Variants in GUCA1C observed in about 807,000 individuals in gnomAD.
The protein encoded by GUCA1C is guanylyl cyclase-activating protein 3.
A neutral mutation model predicts 16.2 loss-of-function variants in GUCA1C; 15 were observed. The ratio of observed to expected loss-of-function variants is 0.93; its 90% CI spans 0.62 to 1.43. GUCA1C has a LOEUF of 1.43. GUCA1C is among the 40% of genes most tolerant of loss of function. GUCA1C has a pLI of 0.00. For missense variants in GUCA1C, 275 were observed against 244.8 expected (o/e 1.12, Z -0.82); for synonymous variants, 78 against 85.4 (o/e 0.91, Z 0.48).
chr3:108,941,152 T>G (rs1946782373), intron 1 of GUCA1C, among the ~76,000 whole-genome samples: 1 of 152,160 alleles, frequency 6.6e-6, no homozygotes, highest in Non-Finnish European at 1.5e-5. Context: ...CATCATCACA[T>G]CCACTGTAAT....
At chr3:108,911,160 T>C (rs2107272086) in intron 3 of GUCA1C, among the ~76,000 whole-genome samples, 1 of 152,296 alleles carries the variant, frequency 6.6e-6, no homozygotes, top group South Asian at 2.1e-4. Context: ...AGTAATAGAA[T>C]AGCTACCCAG....
chr3:108,916,723 G>T (rs543592255), intron 2 of GUCA1C, among the ~76,000 whole-genome samples: 1 of 152,074 alleles, frequency 6.6e-6, no homozygotes, highest in African/African-American at 2.4e-5. Context: ...ACCTTAGAAG[G>T]GCCCTGAATT....
upstream of GUCA1C, chr3:108,953,957 G>A (rs1397228045): frequency 1.7e-6 from 1 of 575,110 alleles, no homozygotes; most frequent in Non-Finnish European, 3.1e-6. Context: ...TAAAACCAAG[G>A]TCACTTGGCA....
In GUCA1C at chr3:108,916,228, T is replaced by C. The variant is rs199536033; in HGVS notation, c.355-14A>G. 6.2e-6 allele frequency: 10 copies of C among 1,602,584 alleles called. No individual in the cohort carries two copies. Among genetic ancestry groups the C allele is most frequent in the Non-Finnish European group, 7.6e-6 (9 of 1,177,008 alleles). ...GGCTTGTACCGCCTGCAAAAAGACA[T>C]TAAATGAAAGAGGTCAACTTTTCTG... On this transcript the variant is annotated splice_polypyrimidine_tract_variant and intron_variant, in intron 2 of 3. Coordinates refer to ENST00000261047, the MANE Select transcript of GUCA1C (RefSeq NM_005459.4).
chr3:108,917,552 GT>G (rs1339153468), intron 2 of GUCA1C, among the ~76,000 whole-genome samples: 4 of 151,826 alleles, frequency 2.6e-5, no homozygotes, highest in African/African-American at 9.7e-5. Flanking sequence ...CCTAATCGCA[GT>G]CTCTGAGTAC....
At chr3:108,913,228 T>G (rs1946474014) in intron 3 of GUCA1C, among the ~76,000 whole-genome samples, 1 of 88,224 alleles carries the variant, frequency 1.1e-5, no homozygotes, top group Non-Finnish European at 2.8e-5. Flanking sequence ...TTTTGAGAAA[T>G]AAATATATAT....
intron 1 of GUCA1C, among the ~76,000 whole-genome samples, chr3:108,927,234 C>T (rs924667949): frequency 6.6e-6 from 1 of 152,156 alleles, no homozygotes; most frequent in Non-Finnish European, 1.5e-5. Context: ...TGAAAAATTT[C>T]CCAGGTGATC....
chr3:108,928,597 T>C (rs1485162028), intron 1 of GUCA1C, among the ~76,000 whole-genome samples: 1 of 152,252 alleles, frequency 6.6e-6, no homozygotes, highest in African/African-American at 2.4e-5. Flanking sequence ...CTCTGATTCA[T>C]TTTGAGTAAA....
At chr3:108,929,021 C>A (rs1038075664) in intron 1 of GUCA1C, among the ~76,000 whole-genome samples, 1 of 152,168 alleles carries the variant, frequency 6.6e-6, no homozygotes, top group Admixed American at 6.6e-5. Flanking sequence ...TACAGATCAA[C>A]TTGGGAAGAA....
intron 1 of GUCA1C, among the ~76,000 whole-genome samples, chr3:108,934,366 T>C (rs2107302432): frequency 6.6e-6 from 1 of 152,118 alleles, no homozygotes; most frequent in African/African-American, 2.4e-5. Context: ...CAAAAAACAA[T>C]AGATCCCGCC....
Position 108,916,167 on chromosome 3 carries a change from G to A in GUCA1C, c.402C>T (p.Phe134=). The part of the protein sequence containing the change: ...NGQQTLSPEE[F]INLVFHKIDI... ...CGATCTTATGGAACACCAAGTTGAT[G>A]AATTCTTCAGGACTCAGAGTTTGCT... Residue 134 remains phenylalanine (F), a synonymous_variant, in exon 3 of 4, where the codon TTC becomes TTT. Transcript: ENST00000261047. 1 of 1,613,366 alleles carries A rather than the reference G, an allele frequency of 6.2e-7. No individual in the cohort carries two copies. The highest frequency in any genetic ancestry group is 2.2e-5 in the East Asian group (1 of 44,870).
At chr3:108,925,863 G>T (rs923663690) in intron 1 of GUCA1C, among the ~76,000 whole-genome samples, 2 of 152,082 alleles carry the variant, frequency 1.3e-5, no homozygotes, top group Non-Finnish European at 2.9e-5. Flanking sequence ...GAGGCAGGTG[G>T]ATCACCTGAG....
rs762101057 is a variant in GUCA1C, at chr3:108,912,122, A to AATAATAATAATAATC, written c.443-3914_443-3913insGATTATTATTATTAT. On this transcript the variant is annotated intron_variant, in intron 3 of 3. Coordinates refer to ENST00000261047, the MANE Select transcript of GUCA1C (RefSeq NM_005459.4). ...CCGTCTCAATAATAATAATAATAAT[A>AATAATAATAATAATC]ATCACCCTTTTCATTTCCTGTTTGG... 4.5e-4 allele frequency among the ~76,000 whole-genome samples: 66 copies of AATAATAATAATAATC among 147,722 alleles called. 1 individual carries two copies. Among genetic ancestry groups the AATAATAATAATAATC allele is most frequent in the Non-Finnish European group, 6.6e-4 (44 of 67,006 alleles).
At chr3:108,910,237 G>A (rs553778184) in intron 3 of GUCA1C, among the ~76,000 whole-genome samples, 1 of 152,142 alleles carries the variant, frequency 6.6e-6, no homozygotes, top group Non-Finnish European at 1.5e-5. Context: ...GGTGGCTCAC[G>A]CCTGTAAACC....
chr3:108,916,330 T>A (rs1387316480), intron 2 of GUCA1C, 116 bp from the exon 3 acceptor site: 1 of 825,802 alleles, frequency 1.2e-6, no homozygotes, highest in Non-Finnish European at 1.9e-6. Context: ...CTATCCAACC[T>A]GTACCAGTTG....
chr3:108,943,950 C>A (rs957582578), intron 1 of GUCA1C, among the ~76,000 whole-genome samples: 2 of 151,556 alleles, frequency 1.3e-5, no homozygotes, highest in Non-Finnish European at 2.9e-5. Context: ...CCACCTGTAC[C>A]CCAATAACTT....
chr3:108,933,258 A>G (rs879419559), intron 1 of GUCA1C, among the ~76,000 whole-genome samples: 1 of 152,210 alleles, frequency 6.6e-6, no homozygotes, highest in Non-Finnish European at 1.5e-5. Flanking sequence ...AAGAGCTCGC[A>G]AAGCCAGAAC....
intron 2 of GUCA1C, among the ~76,000 whole-genome samples, chr3:108,919,197 T>C (rs1946547951): frequency 6.7e-6 from 1 of 150,082 alleles, no homozygotes; most frequent in Non-Finnish European, 1.5e-5. Flanking sequence ...TTCTGTGCTT[T>C]TATTATTTCC....
chr3:108,950,829 G>T (rs1946889525), intron 1 of GUCA1C, among the ~76,000 whole-genome samples: 1 of 152,002 alleles, frequency 6.6e-6, no homozygotes, highest in Admixed American at 6.6e-5. Context: ...ACAAGAAAAA[G>T]CAAACAGAAT....
Sources: gnomAD v4.1 joint callset for allele counts (sites outside exome capture counted in the v4.1 genomes callset) on GRCh38, gnomAD v4.1.1 for gene constraint, MANE v1.5 for transcripts, NCBI Gene and HGNC (gene_info 2026-07-23, HGNC 2026-07-21) for gene names.